Variants in PIGU observed in about 807,000 individuals in gnomAD.
The protein encoded by PIGU is GPI-anchor transamidase component PIGU.
A neutral mutation model predicts 49.9 loss-of-function variants in PIGU; 24 were observed. The ratio of observed to expected loss-of-function variants is 0.48; its 90% CI spans 0.35 to 0.68. The LOEUF (loss-of-function observed/expected upper bound fraction) is 0.68. PIGU is among the 30% of genes least tolerant of loss of function. The pLI, the probability that PIGU is intolerant of heterozygous loss-of-function variation, is 0.01. For missense variants in PIGU, 490 were observed against 532.6 expected, an observed-to-expected ratio of 0.92 and a Z score of 0.79; for synonymous variants, 220 against 205.7, an observed-to-expected ratio of 1.07 and a Z score of -0.59.
At chr20:34,615,853 T>C (rs7268814) in intron 7 of PIGU, among the ~76,000 whole-genome samples, 189 bp downstream of exon 7, 2,489 of 152,306 alleles carry the variant, frequency 0.016, 84 homozygotes, top group African/African-American at 0.058. Context: ...AGGTCTACTG[T>C]AGTTGGGACT....
At position 34,644,164 on chromosome 20, in the gene PIGU, C is replaced by G; in HGVS notation, c.318G>C (p.Val106=). Reference sequence around the variant, plus strand: ...TTTGCTCCACCCACAAACTACTTACCACAACTTTATTGAAGTCCTGGATTG... The same window carrying G: ...TTTGCTCCACCCACAAACTACTTACGACAACTTTATTGAAGTCCTGGATTG... ...YFAIQDFNKV[V]FKKQKLLLEL... The change falls in exon 4 of 12, where the codon GTG becomes GTC. Residue 106 remains valine (V), a splice_region_variant and synonymous_variant. Transcript: ENST00000217446. 1 of 1,606,446 alleles carries G rather than the reference C, an allele frequency of 6.2e-7. No homozygotes were observed.
At chr20:34,572,416 G>C (rs1422803769) in intron 11 of PIGU, among the ~76,000 whole-genome samples, 1 of 151,922 alleles carries the variant, frequency 6.6e-6, no homozygotes, top group African/African-American at 2.4e-5. Flanking sequence ...GGAGGTCGAG[G>C]CGGGCAAATC....
chr20:34,637,994 A>G lies in PIGU; in HGVS notation c.319-9T>C. ...AGTTTCTGCTTTTTAAACTAGAAAA[A>G]AAAAAAAAAGGAAAAGATAAAACAC... On this transcript the variant is annotated splice_polypyrimidine_tract_variant and intron_variant, in intron 4 of 11. Coordinates refer to ENST00000217446, the MANE Select transcript of PIGU (RefSeq NM_080476.5). The G allele has an allele frequency of 6.4e-7, 1 of 1,564,520 alleles. No individual in the cohort carries two copies.
At chr20:34,658,906 G>A (rs1351779434) in intron 1 of PIGU, among the ~76,000 whole-genome samples, 1 of 151,186 alleles carries the variant, frequency 6.6e-6, no homozygotes, top group African/African-American at 2.4e-5. Flanking sequence ...GGAGGTGGGG[G>A]TCAACCCCCG....
intron 6 of PIGU, among the ~76,000 whole-genome samples, chr20:34,618,068 C>T (rs773362879): frequency 2.0e-5 from 3 of 152,152 alleles, no homozygotes; most frequent in South Asian, 2.1e-4. Context: ...CTCTTTCTTT[C>T]GTAAATTGCC....
At chr20:34,620,820 C>CA (rs1178693587) in intron 6 of PIGU, among the ~76,000 whole-genome samples, 2,546 of 96,594 alleles carry the variant, frequency 0.026, 63 homozygotes, top group African/African-American at 0.069. Context: ...AAAAAAAAAA[C>CA]AAAAAAAAAA....
At chr20:34,593,005 T>TAAATAAAAAAAA (rs1984053602) in intron 7 of PIGU, among the ~76,000 whole-genome samples, 1 of 152,006 alleles carries the variant, frequency 6.6e-6, no homozygotes, top group African/African-American at 2.4e-5. Context: ...TCTGAAATAA[T>TAAATAAAAAAAA]GAAATAAAAA....
intron 7 of PIGU, among the ~76,000 whole-genome samples, chr20:34,595,759 C>A (rs1984176254): frequency 6.6e-6 from 1 of 152,178 alleles, no homozygotes; most frequent in African/African-American, 2.4e-5. Context: ...AAAAACACAA[C>A]CACACTGAAG....
chr20:34,667,622 CATAA>C (rs1187156121), intron 1 of PIGU, among the ~76,000 whole-genome samples: 1 of 152,078 alleles, frequency 6.6e-6, no homozygotes, highest in Non-Finnish European at 1.5e-5. Flanking sequence ...TCTATACTGA[CATAA>C]ATAGTTAAAT....
At chr20:34,657,011 A>G (rs1462686548) in intron 2 of PIGU, among the ~76,000 whole-genome samples, 169 bp downstream of exon 2, 1 of 152,190 alleles carries the variant, frequency 6.6e-6, no homozygotes, top group Admixed American at 6.5e-5. Context: ...TTTCCATTGC[A>G]ATTGCAAAAC....
intron 6 of PIGU, among the ~76,000 whole-genome samples, chr20:34,631,570 T>TC (rs1985711113): frequency 6.7e-6 from 1 of 148,292 alleles, no homozygotes; most frequent in Admixed American, 6.8e-5. Flanking sequence ...TTTTTTTTTT[T>TC]TGAGACAGAG....
Position 34,560,974 on chromosome 20 carries a change from C to G in PIGU, c.1200G>C (p.Leu400=). The change falls in exon 12 of 12, where the codon CTG becomes CTC. Residue 400 remains leucine, a synonymous_variant. Transcript: ENST00000217446. ...ITLTFNVGQI[L]LISDYFYAFL... ...AGGCATAGAAGTAATCAGAGATGAGCAGGATCTGGGGGGAGAGAGAGGGTG... is the reference window on the plus strand; with the variant it reads ...AGGCATAGAAGTAATCAGAGATGAGGAGGATCTGGGGGGAGAGAGAGGGTG... The G allele has an allele frequency of 6.2e-7, 1 of 1,603,348 alleles. No individual in the cohort carries two copies. The highest frequency in any genetic ancestry group is 1.1e-5 in the South Asian group (1 of 90,736).
intron 10 of PIGU, among the ~76,000 whole-genome samples, chr20:34,580,864 G>A (rs949459804): frequency 6.6e-6 from 1 of 152,264 alleles, no homozygotes; most frequent in Non-Finnish European, 1.5e-5. Flanking sequence ...AGCCACCTCT[G>A]AAGAGGGGAT....
chr20:34,576,964 C>T (rs1192857028), intron 10 of PIGU, among the ~76,000 whole-genome samples: 1 of 152,130 alleles, frequency 6.6e-6, no homozygotes, highest in East Asian at 1.9e-4. Context: ...CCATGTAAGG[C>T]GATGTCTTCA....
intron 7 of PIGU, among the ~76,000 whole-genome samples, chr20:34,593,895 C>T (rs1410804890): frequency 6.8e-6 from 1 of 146,906 alleles, no homozygotes; most frequent in African/African-American, 2.5e-5. Context: ...AAACAAAAAA[C>T]ACCAGGCATG....
intron 11 of PIGU, among the ~76,000 whole-genome samples, chr20:34,572,662 A>AAT (rs1244780839): frequency 2.0e-5 from 3 of 152,288 alleles, no homozygotes; most frequent in East Asian, 3.9e-4. Flanking sequence ...TCAAAAAATA[A>AAT]ATATATAAAT....
intron 6 of PIGU, among the ~76,000 whole-genome samples, chr20:34,623,943 G>A (rs1322136058): frequency 6.6e-6 from 1 of 152,112 alleles, no homozygotes; most frequent in Non-Finnish European, 1.5e-5. Context: ...AACTCGAAGT[G>A]ATGGGATCAC....
At chr20:34,561,046 G>A in intron 11 of PIGU, 67 bp from the exon 12 acceptor site, 1 of 1,143,534 alleles carries the variant, frequency 8.7e-7, no homozygotes, top group Non-Finnish European at 1.3e-6. Context: ...TCCCTGAACT[G>A]CTGGCAGGTG....
At chr20:34,675,295 C>T (rs1987465509) in intron 1 of PIGU, among the ~76,000 whole-genome samples, 1 of 144,706 alleles carries the variant, frequency 6.9e-6, no homozygotes, top group South Asian at 2.2e-4. Flanking sequence ...TGTGGAAAAA[C>T]CGGATATAAA....
Sources: allele counts gnomAD v4.1 joint callset (sites outside exome capture counted in the v4.1 genomes callset), GRCh38; gene constraint gnomAD v4.1.1; transcripts MANE v1.5; gene names NCBI Gene and HGNC (gene_info 2026-07-23, HGNC 2026-07-21).